The following ATG7 variants were observed in gnomAD, a reference collection of about 807,000 sequenced individuals.
The protein encoded by ATG7 is autophagy related 7.
ATG7 carries 70 observed loss-of-function variants against 82.4 expected under a neutral mutation model. The observed-to-expected ratio is 0.85, with a 90% CI of 0.70 to 1.04. The LOEUF (loss-of-function observed/expected upper bound fraction) is 1.04. Among genes scored for constraint, ATG7 ranks in the 50% least tolerant of loss-of-function variants. The pLI is 0.00. For missense variants in ATG7, 792 were observed against 864.3 expected (o/e 0.92, Z 1.05); for synonymous variants, 287 against 313.0 (o/e 0.92, Z 0.88).
chr3:11,419,572 A>C (rs750940750), intron 19 of ATG7, among the ~76,000 whole-genome samples: 6 of 152,038 alleles, frequency 3.9e-5, no homozygotes, highest in South Asian at 2.1e-4. Context: ...ACAAAAAAAA[A>C]CACACTACAA....
intron 20 of ATG7, among the ~76,000 whole-genome samples, chr3:11,541,686 A>C (rs1041213378): frequency 2.6e-5 from 4 of 152,030 alleles, no homozygotes; most frequent in Non-Finnish European, 4.4e-5. Context: ...TCACCCTGGA[A>C]CTCTGAGCTC....
intron 19 of ATG7, among the ~76,000 whole-genome samples, chr3:11,412,261 CT>C (rs71055869): frequency 0.26 from 35,224 of 137,690 alleles, 4,559 homozygotes; most frequent in South Asian, 0.38. Context: ...TTATTTGATT[CT>C]TTTTTTTTTT....
intron 18 of ATG7, among the ~76,000 whole-genome samples, chr3:11,368,456 T>G (rs922438092): frequency 3.3e-5 from 5 of 152,062 alleles, no homozygotes; most frequent in African/African-American, 1.2e-4. Flanking sequence ...AACAGCCTGT[T>G]GGCCTGCTAA....
At chr3:11,449,983 C>A (rs1039097709) in intron 20 of ATG7, among the ~76,000 whole-genome samples, 2 of 152,158 alleles carry the variant, frequency 1.3e-5, no homozygotes, top group Non-Finnish European at 2.9e-5. Context: ...TCTCTCTGTA[C>A]CCCTGGCAGG....
At chr3:11,500,494 C>G (rs990063242) in intron 20 of ATG7, among the ~76,000 whole-genome samples, 1 of 152,016 alleles carries the variant, frequency 6.6e-6, no homozygotes, top group African/African-American at 2.4e-5. Flanking sequence ...GAAAATAAAA[C>G]TCCACCATTG....
intron 20 of ATG7, among the ~76,000 whole-genome samples, chr3:11,447,319 T>C (rs762476303): frequency 8.6e-5 from 13 of 151,818 alleles, no homozygotes; most frequent in Non-Finnish European, 1.6e-4. Flanking sequence ...TAGAAAAAAT[T>C]AGCCTGGTGT....
the ATG7 span, among the ~76,000 whole-genome samples, chr3:11,573,303 GAAAGGAAGGAAGGAAGAAAGAAAGAAAGA>G: frequency 5.1e-4 from 12 of 23,312 alleles, no homozygotes; most frequent in South Asian, 4.6e-3. Context: ...AAGAAAGAAA[GAAAGGAAGGAAGGAAGAAAGAAAGAAAGA>G]AAGAAAGAAA....
At chr3:11,334,085 T>C (rs1413388865) in intron 11 of ATG7, among the ~76,000 whole-genome samples, 3 of 152,038 alleles carry the variant, frequency 2.0e-5, no homozygotes, top group Non-Finnish European at 2.9e-5. Context: ...ATCCATGTCC[T>C]ATGTCAAAGT....
intron 19 of ATG7, among the ~76,000 whole-genome samples, chr3:11,383,665 G>C (rs1351130766): frequency 6.6e-6 from 1 of 152,120 alleles, no homozygotes; most frequent in Non-Finnish European, 1.5e-5. Context: ...GGCCAGGCTG[G>C]TCTCTAACTG....
chr3:11,354,441 A>G (rs933592664), intron 14 of ATG7, among the ~76,000 whole-genome samples: 2 of 151,988 alleles, frequency 1.3e-5, no homozygotes, highest in African/African-American at 4.8e-5. Flanking sequence ...CGAAGTCAAG[A>G]GATTGAGATC....
At chr3:11,369,340 A>G (rs2076844100) in intron 18 of ATG7, among the ~76,000 whole-genome samples, 1 of 150,972 alleles carries the variant, frequency 6.6e-6, no homozygotes, top group African/African-American at 2.4e-5. Flanking sequence ...ATGATGATGG[A>G]TATAGCAGAA....
At chr3:11,369,184 C>G in intron 18 of ATG7, among the ~76,000 whole-genome samples, 1 of 151,066 alleles carries the variant, frequency 6.6e-6, no homozygotes, top group South Asian at 2.1e-4. Context: ...TTCAGAAATA[C>G]TTATCTCAGT....
At chr3:11,465,855 G>A (rs539634245) in intron 20 of ATG7, among the ~76,000 whole-genome samples, 33 of 152,274 alleles carry the variant, frequency 2.2e-4, no homozygotes, top group Admixed American at 1.2e-3. Context: ...TAAGAAGAAG[G>A]GGAGAGAATT....
chr3:11,440,762 C>A (rs1297357440), intron 20 of ATG7, among the ~76,000 whole-genome samples: 3 of 126,206 alleles, frequency 2.4e-5, no homozygotes, highest in Non-Finnish European at 4.7e-5. Flanking sequence ...TGGCTCACTG[C>A]AACCTTTGCC....
At chr3:11,573,376 AAAGAAAGAAAG>A in the ATG7 span, among the ~76,000 whole-genome samples, 3 of 146,312 alleles carry the variant, frequency 2.1e-5, no homozygotes, top group African/African-American at 7.8e-5. Flanking sequence ...AGAAAGAAAG[AAAGAAAGAAAG>A]AAAGAAAGAA....
At chr3:11,447,166 A>T (rs2442799) in intron 20 of ATG7, among the ~76,000 whole-genome samples, 2 of 152,002 alleles carry the variant, frequency 1.3e-5, no homozygotes, top group Non-Finnish European at 2.9e-5. Flanking sequence ...TCTTTTTAGC[A>T]TAAAAGAGTA....
At chr3:11,300,712 A>T (rs1458234263) in intron 5 of ATG7, among the ~76,000 whole-genome samples, 2 of 152,222 alleles carry the variant, frequency 1.3e-5, no homozygotes, top group South Asian at 4.1e-4. Flanking sequence ...AGCGATACAC[A>T]TTCAGTGGAA....
intron 13 of ATG7, among the ~76,000 whole-genome samples, chr3:11,344,422 C>G (rs559394520): frequency 6.6e-6 from 1 of 152,170 alleles, no homozygotes. Flanking sequence ...TGTTTCTGCA[C>G]GTTTATATCA....
chr3:11,431,749 C>G (rs949345857), intron 20 of ATG7, among the ~76,000 whole-genome samples: 1 of 152,218 alleles, frequency 6.6e-6, no homozygotes, highest in African/African-American at 2.4e-5. Context: ...AATGCTATTA[C>G]AATTTTCCAT....
Sources: gnomAD v4.1 joint callset for allele counts (sites outside exome capture counted in the v4.1 genomes callset) on GRCh38, gnomAD v4.1.1 for gene constraint, MANE v1.5 for transcripts, NCBI Gene and HGNC (gene_info 2026-07-23, HGNC 2026-07-21) for gene names.